The following NCALD variants were observed in gnomAD, a reference collection of about 807,000 sequenced individuals.
NCALD encodes the protein neurocalcin-delta.
A neutral mutation model predicts 18.6 loss-of-function variants in NCALD; 10 were observed. The ratio of observed to expected loss-of-function variants is 0.54; its 90% CI spans 0.33 to 0.91. The LOEUF (loss-of-function observed/expected upper bound fraction) is 0.91. Ranked by LOEUF, NCALD falls within the 40% of genes least tolerant of loss-of-function variation. The probability of loss-of-function intolerance (pLI) is 0.03; values close to 1 mark genes in which losing one functional copy is unlikely to be tolerated. For synonymous variants in NCALD, 88 were observed against 87.4 expected (o/e 1.01, Z -0.04); for missense variants, 184 against 247.6 (o/e 0.74, Z 1.72).
chr8:101,833,610 G>GTTTTTTTTTTTTTTTTTTT (rs555031298), intron 4 of NCALD, among the ~76,000 whole-genome samples: 1 of 88,472 alleles, frequency 1.1e-5, no homozygotes, highest in African/African-American at 4.4e-5. Flanking sequence ...TTTGTTTCTT[G>GTTTTTTTTTTTTTTTTTTT]TTTTTTTTTT....
At position 101,719,291 on chromosome 8, in the gene NCALD, A is replaced by T. The variant is rs1816239280; in HGVS notation, c.339T>A (p.Asn113Lys). Residue 113 changes from asparagine (N) to lysine (K), a missense_variant, in exon 2 of 4, where the codon AAT becomes AAA. Physicochemically the swap from Asn to Lys is moderately conservative, Grantham distance 94. Transcript: ENST00000220931. ...WAFSMYDLDGNGYISKAEMLE... is the reference protein window; with the variant it reads ...WAFSMYDLDGKGYISKAEMLE... ...GCATCTCTGCCTTGCTGATATAGCC[A>T]TTTCCGTCCAGGTCGTACATGCTGA... 6.2e-7 allele frequency: 1 copy of T among 1,613,872 alleles called. No individual in the cohort carries two copies. The highest frequency in any genetic ancestry group is 8.5e-7 in the Non-Finnish European group (1 of 1,179,996).
chr8:102,008,919 CACACACACACACA>C (rs1821807740), intron 2 of NCALD, among the ~76,000 whole-genome samples: 1 of 41,512 alleles, frequency 2.4e-5, no homozygotes, highest in Non-Finnish European at 5.6e-5. Context: ...CGCCCCCCTA[CACACACACACACA>C]CACACACACA....
chr8:101,720,124 A>G (rs1816283072), intron 1 of NCALD, among the ~76,000 whole-genome samples: 1 of 152,206 alleles, frequency 6.6e-6, no homozygotes, highest in African/African-American at 2.4e-5. Flanking sequence ...TATTGCTAGA[A>G]TATTTCCAAG....
chr8:101,990,923 G>T (rs1318393195), intron 2 of NCALD, among the ~76,000 whole-genome samples: 2 of 152,138 alleles, frequency 1.3e-5, no homozygotes, highest in Non-Finnish European at 2.9e-5. Flanking sequence ...CACAGCAGAC[G>T]AACTAAAACC....
chr8:101,855,739 A>C (rs1256902766), intron 4 of NCALD, among the ~76,000 whole-genome samples: 1 of 152,140 alleles, frequency 6.6e-6, no homozygotes, highest in Non-Finnish European at 1.5e-5. Context: ...AAAGCATGAA[A>C]CATAAGACAT....
At chr8:101,849,725 T>A (rs1038861432) in intron 4 of NCALD, among the ~76,000 whole-genome samples, 1 of 152,182 alleles carries the variant, frequency 6.6e-6, no homozygotes, top group African/African-American at 2.4e-5. Flanking sequence ...ATTCATTCCA[T>A]AAATCTGCCC....
intron 2 of NCALD, among the ~76,000 whole-genome samples, chr8:101,964,797 G>A (rs548267717): frequency 1.3e-5 from 2 of 152,170 alleles, no homozygotes; most frequent in African/African-American, 2.4e-5. Context: ...GAATGATATC[G>A]CACAGAAAAT....
intron 2 of NCALD, among the ~76,000 whole-genome samples, chr8:101,998,262 C>T (rs1821312077): frequency 6.6e-6 from 1 of 152,180 alleles, no homozygotes; most frequent in Admixed American, 6.5e-5. Context: ...TGGATTTACT[C>T]GTTAATTTAA....
chr8:102,023,282 G>A (rs1285181325), intron 1 of NCALD, among the ~76,000 whole-genome samples: 4 of 152,150 alleles, frequency 2.6e-5, no homozygotes, highest in Non-Finnish European at 4.4e-5. Flanking sequence ...AGGCAACACT[G>A]GCCATTAGAG....
chr8:102,022,780 G>A (rs1039193449), intron 1 of NCALD, among the ~76,000 whole-genome samples: 3 of 152,240 alleles, frequency 2.0e-5, no homozygotes, highest in Admixed American at 6.5e-5. Context: ...CTGGAAGAAG[G>A]TATGGAGAGA....
chr8:101,941,316 C>T (rs1274514270), intron 2 of NCALD, among the ~76,000 whole-genome samples: 1 of 152,170 alleles, frequency 6.6e-6, no homozygotes, highest in Non-Finnish European at 1.5e-5. Flanking sequence ...CTAGATCCCT[C>T]GCATGCAAGT....
At chr8:101,762,608 T>C (rs539202514) in intron 1 of NCALD, among the ~76,000 whole-genome samples, 10,689 of 150,672 alleles carry the variant, frequency 0.071, 1,049 homozygotes, top group African/African-American at 0.22. Flanking sequence ...TTTTTTTTTT[T>C]CTGTCACCCA....
chr8:101,745,048 G>C (rs75612378), intron 1 of NCALD, among the ~76,000 whole-genome samples: 1 of 149,200 alleles, frequency 6.7e-6, no homozygotes. Context: ...GGGGTAGGGT[G>C]GGGGGGACTA....
intron 1 of NCALD, among the ~76,000 whole-genome samples, chr8:102,035,294 C>T (rs574311337): frequency 2.6e-5 from 4 of 152,194 alleles, no homozygotes; most frequent in South Asian, 2.1e-4. Flanking sequence ...TTATATTAAC[C>T]CAAAATGGTG....
intron 2 of NCALD, among the ~76,000 whole-genome samples, chr8:102,016,857 C>T (rs1822099551): frequency 6.6e-6 from 1 of 152,008 alleles, no homozygotes; most frequent in African/African-American, 2.4e-5. Context: ...ACCTCATTGT[C>T]AAAATAAAGC....
intron 2 of NCALD, among the ~76,000 whole-genome samples, chr8:101,715,998 G>T (rs1816060030): frequency 6.6e-6 from 1 of 152,150 alleles, no homozygotes; most frequent in South Asian, 2.1e-4. Flanking sequence ...AAATCATTCT[G>T]CTGTAAAGAC....
At chr8:101,780,645 A>T (rs1374498135) in intron 1 of NCALD, among the ~76,000 whole-genome samples, 2 of 152,130 alleles carry the variant, frequency 1.3e-5, no homozygotes, top group Admixed American at 1.3e-4. Context: ...GATGTACAAT[A>T]GTAATGGTTG....
At chr8:102,053,771 A>G (rs921710490) in intron 1 of NCALD, among the ~76,000 whole-genome samples, 2 of 152,368 alleles carry the variant, frequency 1.3e-5, no homozygotes, top group African/African-American at 4.8e-5. Flanking sequence ...ACACAAATGC[A>G]TATTTTTAAG....
At chr8:101,723,505 T>C (rs1369724862) in intron 1 of NCALD, among the ~76,000 whole-genome samples, 1 of 152,168 alleles carries the variant, frequency 6.6e-6, no homozygotes, top group Non-Finnish European at 1.5e-5. Context: ...ATACTATCAA[T>C]CCATTCTGTA....
Sources: gnomAD v4.1 joint callset for allele counts (sites outside exome capture counted in the v4.1 genomes callset) on GRCh38, gnomAD v4.1.1 for gene constraint, MANE v1.5 for transcripts, NCBI Gene and HGNC (gene_info 2026-07-23, HGNC 2026-07-21) for gene names.